Variants in SLC23A2 observed in about 807,000 individuals in gnomAD.
The protein encoded by SLC23A2 is Na(+)/L-ascorbic acid transporter 2.
SLC23A2 carries 36 observed loss-of-function variants against 73.3 expected under a neutral mutation model. That is an observed-to-expected ratio of 0.49 (90% CI 0.38 to 0.65). SLC23A2 has a LOEUF of 0.65. Ranked by LOEUF, SLC23A2 falls within the 30% of genes least tolerant of loss-of-function variation. The pLI is 0.00. For synonymous variants in SLC23A2, 343 were observed against 327.3 expected (o/e 1.05, Z -0.52); for missense variants, 507 against 841.6 (o/e 0.60, Z 4.92).
intron 1 of SLC23A2, among the ~76,000 whole-genome samples, chr20:4,975,647 C>T (rs886981629): frequency 6.6e-6 from 1 of 150,870 alleles, no homozygotes; most frequent in African/African-American, 2.4e-5. Context: ...TCCCAAAGTG[C>T]TGGGATTACG....
intron 2 of SLC23A2, among the ~76,000 whole-genome samples, chr20:4,970,582 T>C (rs920766114): frequency 6.6e-6 from 1 of 151,808 alleles, no homozygotes; most frequent in East Asian, 1.9e-4. Flanking sequence ...AAAAAAAATT[T>C]AAAAATTAGC....
In SLC23A2 at chr20:4,862,463, T is replaced by A. The variant is rs922079780; in HGVS notation, c.1486+315A>T. Among the ~76,000 whole-genome samples the A allele has an allele frequency of 6.6e-6, 1 of 152,056 alleles. No homozygotes were observed. Among genetic ancestry groups the A allele is most frequent in the African/African-American group, 2.4e-5 (1 of 41,390 alleles). On this transcript the variant is annotated intron_variant, in intron 14 of 16. Coordinates refer to ENST00000338244, the MANE Select transcript of SLC23A2 (RefSeq NM_005116.6). The surrounding 1 kb of genome is among the most constrained non-coding windows in gnomAD (Gnocchi z 5.1). ...AATGGTGCAGAGATCAAACCCAGAG[T>A]CCCACTGTCAAAATGGTCAGTTTTA...
Position 4,856,840 on chromosome 20 carries a change from T to C in SLC23A2, c.*132A>G. On this transcript the variant is annotated 3_prime_UTR_variant, in exon 17 of 17. Coordinates refer to ENST00000338244, the MANE Select transcript of SLC23A2 (RefSeq NM_005116.6). This position sits in a 1 kb window ranked among gnomAD's most constrained non-coding sequence, Gnocchi z 4.6. ...ATCACCCTCACAGCAGAAAAGTGAT[T>C]CGCAGTCTGTCTTAGCTCTGGGGCG... 1.5e-6 allele frequency: 1 copy of C among 649,520 alleles called. No individual in the cohort carries two copies. The highest frequency in any genetic ancestry group is 1.8e-5 in the South Asian group (1 of 54,768). The allele number at this position is 649,520 out of a possible 1,614,324, so 40.2% of individuals were successfully genotyped here.
chr20:4,901,675 G>A (rs1404429572), intron 5 of SLC23A2, among the ~76,000 whole-genome samples: 1 of 152,094 alleles, frequency 6.6e-6, no homozygotes, highest in African/African-American at 2.4e-5. Flanking sequence ...CTGCTACCAT[G>A]GCAAGTTTCC....
At chr20:4,894,760 GAC>G (rs1173113336) in intron 6 of SLC23A2, among the ~76,000 whole-genome samples, 2 of 152,120 alleles carry the variant, frequency 1.3e-5, no homozygotes, top group African/African-American at 4.8e-5. Flanking sequence ...CTTCTGCAAA[GAC>G]ACACATCTGT....
chr20:4,975,815 G>C (rs568725927), intron 1 of SLC23A2, among the ~76,000 whole-genome samples: 12 of 150,190 alleles, frequency 8.0e-5, no homozygotes, highest in Admixed American at 5.3e-4. Context: ...TTTTCAGTAC[G>C]TGTTTGGGTT....
At chr20:4,894,528 T>C (rs1485596011) in intron 6 of SLC23A2, among the ~76,000 whole-genome samples, 2 of 152,224 alleles carry the variant, frequency 1.3e-5, no homozygotes, top group African/African-American at 4.8e-5. Context: ...TGTACCCCCA[T>C]GCTGTGGCAT....
chr20:4,859,992 T>C (rs1929893408), intron 15 of SLC23A2, among the ~76,000 whole-genome samples: 2 of 152,212 alleles, frequency 1.3e-5, no homozygotes, highest in South Asian at 2.1e-4. Flanking sequence ...CTGGTGAGGA[T>C]GTGGAGAAAC....
intron 2 of SLC23A2, among the ~76,000 whole-genome samples, chr20:4,966,839 C>CACAT (rs2087484369): frequency 6.7e-6 from 1 of 148,492 alleles, no homozygotes; most frequent in African/African-American, 2.5e-5. Flanking sequence ...CACACACACA[C>CACAT]ACACACACAC....
At chr20:5,005,223 T>C (rs1020733138), upstream of SLC23A2, among the ~76,000 whole-genome samples, 2 of 152,090 alleles carry the variant, frequency 1.3e-5, no homozygotes, top group African/African-American at 4.8e-5. Context: ...ATTAAATGTA[T>C]ATAAAGTGCT....
intron 3 of SLC23A2, among the ~76,000 whole-genome samples, chr20:4,927,164 GA>G (rs1932702796): frequency 6.6e-6 from 1 of 152,104 alleles, no homozygotes; most frequent in African/African-American, 2.4e-5. Context: ...TGCAACTAAC[GA>G]AGTGAATTTC....
intron 1 of SLC23A2, among the ~76,000 whole-genome samples, chr20:4,980,959 T>C (rs2122265509): frequency 6.6e-6 from 1 of 152,360 alleles, no homozygotes; most frequent in African/African-American, 2.4e-5. Context: ...CCAGTCCCGA[T>C]ATTTTTCCAC....
At chr20:4,988,173 G>C (rs1425192963) in intron 1 of SLC23A2, among the ~76,000 whole-genome samples, 6 of 151,340 alleles carry the variant, frequency 4.0e-5, no homozygotes, top group Admixed American at 4.0e-4. Flanking sequence ...CTGGTGGTGG[G>C]CACCTGTAAT....
intron 6 of SLC23A2, among the ~76,000 whole-genome samples, chr20:4,886,894 T>G (rs933853482): frequency 1.3e-5 from 2 of 152,136 alleles, no homozygotes; most frequent in African/African-American, 4.8e-5. Flanking sequence ...CCCTTTGAGC[T>G]GTCTGGCAGC....
rs1452788016 is a variant in SLC23A2 at position 4,856,879 on chromosome 20, T to G, written c.*93A>C. The G allele has an allele frequency of 1.3e-6, 1 of 795,630 alleles. No homozygotes were observed. Among genetic ancestry groups the G allele is most frequent in the Admixed American group, 2.1e-5 (1 of 46,558 alleles). The allele number at this position is 795,630 out of a possible 1,614,324, so 49.3% of individuals were successfully genotyped here. On this transcript the variant is annotated 3_prime_UTR_variant, in exon 17 of 17. Coordinates refer to ENST00000338244, the MANE Select transcript of SLC23A2 (RefSeq NM_005116.6). This position sits in a 1 kb window ranked among gnomAD's most constrained non-coding sequence, Gnocchi z 4.6. ...AGCTCTGGGGCGCAGAATGTAAATG[T>G]AGATATACAAACATGTATTTTACTT...
chr20:4,883,791 T>C lies in SLC23A2; in HGVS notation c.675A>G (p.Ile225Met). The C allele has an allele frequency of 6.2e-7, 1 of 1,613,220 alleles. No individual in the cohort carries two copies. Among genetic ancestry groups the C allele is most frequent in the Non-Finnish European group, 8.5e-7 (1 of 1,179,610 alleles). Residue 225 changes from isoleucine (I) to methionine (M), a missense_variant, in exon 9 of 17, where the codon ATA (isoleucine) becomes ATG (methionine). Physicochemically the swap from Ile to Met is conservative, Grantham distance 10 (BLOSUM62 1). Transcript: ENST00000338244. This position sits in a 1 kb window ranked among gnomAD's most constrained non-coding sequence, Gnocchi z 4.5. ...GGCCGAGGAGGCCGATGACTACTTCTATCAGTGAGGACATGATGATGGCCC... is the reference window on the plus strand; with the variant it reads ...GGCCGAGGAGGCCGATGACTACTTCCATCAGTGAGGACATGATGATGGCCC... ...IQGAIIMSSL[I>M]EVVIGLLGLP... is the part of the protein sequence containing the mutation.
At chr20:4,900,056 C>T (rs867294134) in intron 5 of SLC23A2, among the ~76,000 whole-genome samples, 1 of 151,576 alleles carries the variant, frequency 6.6e-6, no homozygotes, top group Non-Finnish European at 1.5e-5. Flanking sequence ...TTTTTTGTAG[C>T]GATGGGTTTT....
intron 1 of SLC23A2, among the ~76,000 whole-genome samples, chr20:5,001,062 G>T (rs960803056): frequency 1.3e-5 from 2 of 152,044 alleles, no homozygotes; most frequent in Non-Finnish European, 2.9e-5. Flanking sequence ...TGGGGTTCTG[G>T]GGGCGCCCCA....
At chr20:5,006,308 A>G (rs547406686), upstream of SLC23A2, among the ~76,000 whole-genome samples, 1 of 152,000 alleles carries the variant, frequency 6.6e-6, no homozygotes, top group South Asian at 2.1e-4. Flanking sequence ...CATCTTGGCC[A>G]GGCTGGTATT....
Sources: allele counts gnomAD v4.1 joint callset (sites outside exome capture counted in the v4.1 genomes callset), GRCh38; gene constraint gnomAD v4.1.1; non-coding constraint Gnocchi (gnomAD v3.1); transcripts MANE v1.5; gene names NCBI Gene and HGNC (gene_info 2026-07-23, HGNC 2026-07-21).